The following RB1CC1 variants were observed in gnomAD, a reference collection of about 807,000 sequenced individuals.
RB1CC1 encodes RB1-inducible coiled-coil protein 1.
Under a neutral mutation model 177.5 loss-of-function variants are expected in RB1CC1, and 46 were observed. The ratio of observed to expected loss-of-function variants is 0.26; its 90% confidence interval spans 0.20 to 0.33. The LOEUF is 0.33. Ranked by LOEUF, RB1CC1 falls within the 10% of genes least tolerant of loss-of-function variation. The probability of loss-of-function intolerance (pLI) is 1.00; values close to 1 mark genes in which losing one functional copy is unlikely to be tolerated. For synonymous variants in RB1CC1, 666 were observed against 613.6 expected (o/e 1.09, Z -1.26); for missense variants, 1,703 against 1,816.3 (o/e 0.94, Z 1.13).
chr8:52,660,608 G>A lies in RB1CC1; in HGVS notation c.1677C>T (p.Pro559=), dbSNP rs370921641. The part of the protein sequence containing the change: ...NRLFRGLDSW[P]PSFCTQKPRK... ...AATAAATACATACACAAAAGGAAGGGGGCCAGGAGTCCAGTCCCCTAAACA... is the reference window on the plus strand; with the variant it reads ...AATAAATACATACACAAAAGGAAGGAGGCCAGGAGTCCAGTCCCCTAAACA... The change falls in exon 12 of 24, where the codon CCC becomes CCT. Residue 559 remains proline (P), a synonymous_variant. Transcript: ENST00000025008. 7.6e-6 allele frequency: 12 copies of A among 1,585,986 alleles called. No homozygotes were observed. The highest frequency in any genetic ancestry group is 9.4e-6 in the Non-Finnish European group (11 of 1,170,550).
intron 1 of RB1CC1, among the ~76,000 whole-genome samples, chr8:52,700,108 A>AT (rs879520444): frequency 2.6e-5 from 4 of 151,884 alleles, no homozygotes; most frequent in Non-Finnish European, 4.4e-5. Context: ...AAAAACTTTA[A>AT]TTTTTCCCTC....
chr8:52,669,774 CA>C (rs1852389188), intron 7 of RB1CC1, among the ~76,000 whole-genome samples: 1 of 152,164 alleles, frequency 6.6e-6, no homozygotes, highest in African/African-American at 2.4e-5. Flanking sequence ...AAAACTGGTT[CA>C]AATGTTCAAC....
At chr8:52,688,012 A>T (rs1437643132) in intron 1 of RB1CC1, among the ~76,000 whole-genome samples, 2 of 152,208 alleles carry the variant, frequency 1.3e-5, no homozygotes, top group African/African-American at 4.8e-5. Flanking sequence ...CAGTTGCCAA[A>T]TAATACTTTT....
chr8:52,693,179 T>C (rs1163838300), intron 1 of RB1CC1, among the ~76,000 whole-genome samples: 1 of 152,062 alleles, frequency 6.6e-6, no homozygotes, highest in East Asian at 1.9e-4. Flanking sequence ...CCTAGAAGAA[T>C]ACCTAGGCAA....
intron 17 of RB1CC1, 38 bp from the exon 18 acceptor site, chr8:52,642,629 TA>T (rs746449564): frequency 6.3e-7 from 1 of 1,598,752 alleles, no homozygotes; most frequent in Non-Finnish European, 8.5e-7. Context: ...ATCATGTAAT[TA>T]AAAAAACCAC....
Position 52,669,810 on chromosome 8 carries a change from AAACTT to A in RB1CC1, c.1003-1624_1003-1620del, listed in dbSNP as rs978288331. ...CCTAGGCAAAATTACAATTATACAT[AAACTT>A]AACATACCAACAACTTAAACCAAAA... On this transcript the variant is annotated intron_variant, in intron 7 of 23. Coordinates refer to ENST00000025008, the MANE Select transcript of RB1CC1 (RefSeq NM_014781.5). Among the ~76,000 whole-genome samples, 17 of 152,360 alleles carry A rather than the reference AAACTT, an allele frequency of 1.1e-4. No individual in the cohort carries two copies. The South Asian group carries it at 1.2e-3, about 11-fold the overall frequency.
At chr8:52,631,254 A>G (rs1848734783) in intron 20 of RB1CC1, among the ~76,000 whole-genome samples, 1 of 152,160 alleles carries the variant, frequency 6.6e-6, no homozygotes, top group South Asian at 2.1e-4. Context: ...AAAAAAACCA[A>G]AAAGATTTAA....
intron 1 of RB1CC1, among the ~76,000 whole-genome samples, chr8:52,697,168 T>A (rs563723056): frequency 8.6e-4 from 131 of 152,228 alleles, no homozygotes; most frequent in African/African-American, 3.1e-3. Context: ...CAACTATATG[T>A]ACCTACGGTT....
At chr8:52,712,496 CAA>C (rs5891479) in intron 1 of RB1CC1, among the ~76,000 whole-genome samples, 8 of 100,464 alleles carry the variant, frequency 8.0e-5, no homozygotes, top group Non-Finnish European at 1.2e-4. Flanking sequence ...CAGCAAGAGC[CAA>C]AAAAAAAAAA....
intron 1 of RB1CC1, among the ~76,000 whole-genome samples, chr8:52,689,560 G>A (rs1339240631): frequency 6.6e-6 from 1 of 152,086 alleles, no homozygotes. Context: ...TATATTCCAG[G>A]AAACTATTCT....
intron 1 of RB1CC1, among the ~76,000 whole-genome samples, chr8:52,705,121 A>C (rs1856436344): frequency 6.6e-6 from 1 of 152,220 alleles, no homozygotes; most frequent in Non-Finnish European, 1.5e-5. Flanking sequence ...AACTGTCAAA[A>C]CATGTCAAAC....
chr8:52,687,870 A>T (rs1180905435), intron 1 of RB1CC1, among the ~76,000 whole-genome samples: 2 of 152,202 alleles, frequency 1.3e-5, no homozygotes, highest in Admixed American at 1.3e-4. Context: ...ACAATAGATG[A>T]TTAATATAAC....
intron 8 of RB1CC1, among the ~76,000 whole-genome samples, chr8:52,662,908 C>T (rs1296997611): frequency 2.0e-5 from 3 of 151,926 alleles, no homozygotes; most frequent in Non-Finnish European, 2.9e-5. Flanking sequence ...TTTTCAATTA[C>T]TTTTTATTGA....
intron 7 of RB1CC1, among the ~76,000 whole-genome samples, chr8:52,669,778 T>C (rs1411124696): frequency 6.6e-6 from 1 of 152,232 alleles, no homozygotes; most frequent in Non-Finnish European, 1.5e-5. Flanking sequence ...CTGGTTCAAA[T>C]GTTCAACCTA....
chr8:52,638,635 AAT>A (rs1334068408), intron 18 of RB1CC1, among the ~76,000 whole-genome samples: 1 of 152,080 alleles, frequency 6.6e-6, no homozygotes, highest in Non-Finnish European at 1.5e-5. Context: ...ATTTCAATGT[AAT>A]ATTGATTATT....
At chr8:52,638,606 T>C (rs1726577007) in intron 18 of RB1CC1, among the ~76,000 whole-genome samples, 1 of 152,148 alleles carries the variant, frequency 6.6e-6, no homozygotes, top group African/African-American at 2.4e-5. Context: ...GTTTGTTTTC[T>C]GTTGTACTCA....
intron 22 of RB1CC1, among the ~76,000 whole-genome samples, chr8:52,627,483 A>G (rs1848478621): frequency 6.6e-6 from 1 of 152,198 alleles, no homozygotes; most frequent in African/African-American, 2.4e-5. Flanking sequence ...TAGGCTAAGT[A>G]CACCAGGATA....
intron 5 of RB1CC1, among the ~76,000 whole-genome samples, chr8:52,680,275 G>T (rs1391218605): frequency 1.3e-5 from 2 of 152,168 alleles, no homozygotes; most frequent in Non-Finnish European, 2.9e-5. Flanking sequence ...TCAACACAGA[G>T]ATTTAGCTCA....
intron 18 of RB1CC1, 76 bp from the exon 19 acceptor site, chr8:52,636,145 T>C (rs12677465): frequency 0.24 from 351,156 of 1,443,106 alleles, 47,915 homozygotes; most frequent in East Asian, 0.65. Context: ...AATTAAAATA[T>C]TAATACAGAT....
Sources: allele counts gnomAD v4.1 joint callset (sites outside exome capture counted in the v4.1 genomes callset), GRCh38; gene constraint gnomAD v4.1.1; transcripts MANE v1.5; gene names NCBI Gene and HGNC (gene_info 2026-07-23, HGNC 2026-07-21).